The following MYO1G variants were observed in gnomAD, a reference collection of about 807,000 sequenced individuals.
MYO1G encodes the protein myosin IG, also known as unconventional myosin-Ig.
In MYO1G, 65 loss-of-function variants were observed where a neutral mutation model predicts 115.3. The ratio of observed to expected loss-of-function variants is 0.56; its 90% CI spans 0.46 to 0.69. The LOEUF (loss-of-function observed/expected upper bound fraction) is 0.69, where lower values mean the gene tolerates loss of function less well. Ranked by LOEUF, MYO1G falls within the 30% of genes least tolerant of loss-of-function variation. MYO1G has a pLI of 0.00. For missense variants in MYO1G, 1,204 were observed against 1,393.5 expected (o/e 0.86, Z 2.16); for synonymous variants, 510 against 552.6 (o/e 0.92, Z 1.08).
In MYO1G at chr7:44,963,259, G is replaced by GC. The variant is rs1285510901; in HGVS notation, c.2746-136dup. ...AGCGCCGCCCTCGCCAGGGCCACCA[G>GC]CCCCCCACCGCCCCCTCCTCCCTCT... On this transcript the variant is annotated intron_variant, in intron 20 of 21. Coordinates refer to ENST00000258787, the MANE Select transcript of MYO1G (RefSeq NM_033054.3). The surrounding 1 kb of genome is among the most constrained non-coding windows in gnomAD (Gnocchi z 4.1). 1.0e-5 allele frequency: 10 copies of GC among 976,510 alleles called. No individual in the cohort carries two copies. In the East Asian group the frequency reaches 1.6e-4, roughly 16 times the overall value. 60.5% of individuals were successfully genotyped at this position (976,510 alleles called of 1,614,324 possible).
At position 44,976,677 on chromosome 7, in the gene MYO1G, TGAGA is replaced by T; in HGVS notation, c.305-24_305-21del. ...TCTCCCCTGCCGGAAAGACCAGAGTTGAGAGAATCAGCCAGGTTCGCTCTCTTAG... is the reference window on the plus strand; with the variant it reads ...TCTCCCCTGCCGGAAAGACCAGAGTTGAATCAGCCAGGTTCGCTCTCTTAG... On this transcript the variant is annotated intron_variant, in intron 2 of 21. Transcript: ENST00000258787. The T allele has an allele frequency of 6.2e-7, 1 of 1,613,828 alleles. No individual in the cohort carries two copies. Among genetic ancestry groups the T allele is most frequent in the Non-Finnish European group, 8.5e-7 (1 of 1,179,900 alleles).
rs910211054 is a variant in MYO1G, at chr7:44,969,472, T to C, written c.1515A>G (p.Thr505=). ...CTCGGCCAAACTCCATGGTCTTGTC[T>C]GTGGGGCAGAGCTATGGGGACAGGC... The part of the protein sequence containing the change: ...LHYTSRQLCP[T]DKTMEFGRDF... Residue 505 remains threonine (T), a synonymous_variant, in exon 12 of 22, where the codon ACA becomes ACG. Transcript: ENST00000258787. This position sits in a 1 kb window ranked among gnomAD's most constrained non-coding sequence, Gnocchi z 5.0. 2 of 1,613,820 alleles carry C rather than the reference T, an allele frequency of 1.2e-6. No homozygotes were observed. Among genetic ancestry groups the C allele is most frequent in the Non-Finnish European group, 1.7e-6 (2 of 1,180,008 alleles).
At position 44,964,046 on chromosome 7, in the gene MYO1G, C is replaced by T. The variant is rs1320081960; in HGVS notation, c.2745+3G>A. ...CACCCTACTCCCCACCCACATTGCTCACCGCCTCAAGGGGCACGGCCCGCA... is the reference window on the plus strand; with the variant it reads ...CACCCTACTCCCCACCCACATTGCTTACCGCCTCAAGGGGCACGGCCCGCA... On this transcript the variant is annotated splice_donor_region_variant and intron_variant, in intron 20 of 21. Coordinates refer to ENST00000258787, the MANE Select transcript of MYO1G (RefSeq NM_033054.3). This position sits in a 1 kb window ranked among gnomAD's most constrained non-coding sequence, Gnocchi z 5.1. 3 of 1,577,500 alleles carry T rather than the reference C, an allele frequency of 1.9e-6. No homozygotes were observed. Among genetic ancestry groups the T allele is most frequent in the South Asian group, 1.2e-5 (1 of 86,234 alleles).
chr7:44,976,701 T>C (rs200084479), intron 2 of MYO1G, 44 bp from the exon 3 acceptor site: 1 of 1,611,312 alleles, frequency 6.2e-7, no homozygotes, highest in East Asian at 2.2e-5. Context: ...AGGTTCGCTC[T>C]CTTAGCCCAG....
chr7:44,964,429 T>G lies in MYO1G; in HGVS notation c.2617A>C (p.Ser873Arg). 2 of 1,613,346 alleles carry G rather than the reference T, an allele frequency of 1.2e-6. No individual in the cohort carries two copies. Among genetic ancestry groups the G allele is most frequent in the Non-Finnish European group, 1.7e-6 (2 of 1,179,460 alleles). The change falls in exon 19 of 22, where the codon AGC becomes CGC. Residue 873 changes from serine (S) to arginine (R), a missense_variant. Ser to Arg is a moderately radical substitution (Grantham distance 110, BLOSUM62 -1). Transcript: ENST00000258787. This position sits in a 1 kb window ranked among gnomAD's most constrained non-coding sequence, Gnocchi z 5.1. ...KDGFGAVLFS[S>R]HVRKVNRFHK... ...CCTTGTCTAACCTTGCGGACATGGC[T>G]TGAAAAGAGCACAGCCCCGAAGCCA...
rs769767103 is a variant in MYO1G at position 44,976,661 on chromosome 7, C to T, written c.305-4G>A. 1 of 1,614,046 alleles carries T rather than the reference C, an allele frequency of 6.2e-7. No individual in the cohort carries two copies. The highest frequency in any genetic ancestry group is 8.5e-7 in the Non-Finnish European group (1 of 1,180,014). On this transcript the variant is annotated splice_region_variant and splice_polypyrimidine_tract_variant and intron_variant, in intron 2 of 21. Transcript: ENST00000258787. ...GTCTTCCCTGCCCCACTCTCCCCTG[C>T]CGGAAAGACCAGAGTTGAGAGAATC...
At chr7:44,975,301 A>C in intron 4 of MYO1G, 74 bp from the exon 5 acceptor site, 1 of 1,571,078 alleles carries the variant, frequency 6.4e-7, no homozygotes, top group Non-Finnish European at 8.8e-7. Context: ...GAACATTCCC[A>C]GGTGCAAGGC....
intron 7 of MYO1G, 105 bp from the exon 8 acceptor site, chr7:44,971,164 G>T: frequency 1.0e-6 from 1 of 973,184 alleles, no homozygotes; most frequent in Non-Finnish European, 1.5e-6. Context: ...GGATGCGGTA[G>T]AGTACAGCTC....
At chr7:44,971,827 G>A (rs1248073083) in intron 6 of MYO1G, 38 bp from the exon 7 acceptor site, 1 of 1,455,368 alleles carries the variant, frequency 6.9e-7, no homozygotes, top group Non-Finnish European at 9.4e-7. Context: ...AAGCCACACT[G>A]GGCCCAGGAC....
intron 1 of MYO1G, 44 bp from the exon 2 acceptor site, chr7:44,977,115 GCAC>G: frequency 6.3e-7 from 1 of 1,581,970 alleles, no homozygotes; most frequent in Non-Finnish European, 8.6e-7. Context: ...AGGCTTACAG[GCAC>G]CCACAGGCCT....
Position 44,964,964 on chromosome 7 carries a change from G to T in MYO1G, c.2507C>A (p.Ala836Asp). 1 of 1,599,408 alleles carries T rather than the reference G, an allele frequency of 6.3e-7. No homozygotes were observed. The highest frequency in any genetic ancestry group is 1.3e-5 in the African/African-American group (1 of 74,696). ...RQDWGCRRAW[A>D]RDYLSSATDN... ...ACTTACAGAGGACAGGTAGTCTCGG[G>T]CCCAGGCCCGTCGGCAGCCCCAGTC... is the stretch of plus-strand genomic sequence containing the variant. The change falls in exon 18 of 22, where the codon GCC (alanine) becomes GAC (aspartate). Residue 836 changes from alanine to aspartate, a missense_variant. Transcript: ENST00000258787. This position sits in a 1 kb window ranked among gnomAD's most constrained non-coding sequence, Gnocchi z 5.1.
In MYO1G at chr7:44,978,951, T is replaced by G; in HGVS notation, c.11A>C (p.Glu4Ala). The change falls in exon 1 of 22, where the codon GAG becomes GCG. Residue 4 changes from glutamate to alanine, a missense_variant. Glu to Ala is a moderately radical substitution (Grantham distance 107, BLOSUM62 -1). Coordinates refer to ENST00000258787, the MANE Select transcript of MYO1G (RefSeq NM_033054.3). MED[E>A]EGPEYGKPDF... ...AGGTTTGCCATACTCAGGGCCTTCCTCGTCCTCCATCCTGCCGGCTGGAAA... is the reference window on the plus strand; with the variant it reads ...AGGTTTGCCATACTCAGGGCCTTCCGCGTCCTCCATCCTGCCGGCTGGAAA... The G allele has an allele frequency of 6.2e-7, 1 of 1,614,154 alleles. No individual in the cohort carries two copies.
In MYO1G at chr7:44,966,548, C is replaced by G. The variant is rs1044444643; in HGVS notation, c.1949+124G>C. 8.1e-7 allele frequency: 1 copy of G among 1,239,030 alleles called. No homozygotes were observed. 76.8% of individuals were successfully genotyped at this position (1,239,030 alleles called of 1,614,324 possible). A position where few individuals can be genotyped will look rare whatever the true frequency, so the allele number is the denominator to read the frequency against. On this transcript the variant is annotated intron_variant, in intron 15 of 21. Coordinates refer to ENST00000258787, the MANE Select transcript of MYO1G (RefSeq NM_033054.3). The surrounding 1 kb of genome is among the most constrained non-coding windows in gnomAD (Gnocchi z 5.0). ...AGATATTTTGGTGTCTTGAGGCCAG[C>G]AGCGTGCTGGTTCCTGCTTGTATCG...
chr7:44,976,839 G>A, intron 2 of MYO1G, 24 bp downstream of exon 2: 1 of 1,611,104 alleles, frequency 6.2e-7, no homozygotes, highest in Non-Finnish European at 8.5e-7. Context: ...CCGAGGGTGG[G>A]GGCCCGGCGG....
Position 44,963,008 on chromosome 7 carries a change from A to G in MYO1G, c.2862T>C (p.Val954=). 3 of 1,533,080 alleles carry G rather than the reference A, an allele frequency of 2.0e-6. No individual in the cohort carries two copies. Among genetic ancestry groups the G allele is most frequent in the East Asian group, 2.5e-5 (1 of 40,060 alleles). 95.0% of individuals were successfully genotyped at this position (1,533,080 alleles called of 1,614,324 possible). A position where few individuals can be genotyped will look rare whatever the true frequency, so the allele number is the denominator to read the frequency against. ...HRSRPPLDNR[V]GELVGVLAAH... is the part of the protein sequence containing the mutation. ...CGGCCAGCACGCCCACCAGCTCCCCAACGCGGTTGTCCAATGGCGGCCGGG... is the reference window on the plus strand; with the variant it reads ...CGGCCAGCACGCCCACCAGCTCCCCGACGCGGTTGTCCAATGGCGGCCGGG... Residue 954 remains valine (V), a synonymous_variant, in exon 21 of 22, where the codon GTT becomes GTC. Coordinates refer to ENST00000258787, the MANE Select transcript of MYO1G (RefSeq NM_033054.3). This position sits in a 1 kb window ranked among gnomAD's most constrained non-coding sequence, Gnocchi z 4.1.
Position 44,969,526 on chromosome 7 carries a change from G to C in MYO1G, c.1504-43C>G. The C allele has an allele frequency of 6.2e-7, 1 of 1,607,786 alleles. No individual in the cohort carries two copies. The highest frequency in any genetic ancestry group is 8.5e-7 in the Non-Finnish European group (1 of 1,174,760). On this transcript the variant is annotated intron_variant, in intron 11 of 21. Transcript: ENST00000258787. This position sits in a 1 kb window ranked among gnomAD's most constrained non-coding sequence, Gnocchi z 5.0. ...GGTCAAGGCACAAAAGGTATGTGGA[G>C]GGTCTGTATGAAGGGATAGCCCTGC...
intron 12 of MYO1G, among the ~76,000 whole-genome samples, chr7:44,968,348 C>T (rs1056932330): frequency 3.8e-4 from 58 of 152,108 alleles, no homozygotes; most frequent in African/African-American, 1.3e-3. Context: ...TAAACATCAG[C>T]GACTACAACT....
Position 44,967,970 on chromosome 7 carries a change from C to T in MYO1G, c.1575-12G>A, listed in dbSNP as rs1204130090. The T allele has an allele frequency of 6.2e-7, 1 of 1,613,276 alleles. No individual in the cohort carries two copies. The highest frequency in any genetic ancestry group is 1.3e-5 in the African/African-American group (1 of 75,048). On this transcript the variant is annotated splice_polypyrimidine_tract_variant and intron_variant, in intron 12 of 21. Transcript: ENST00000258787. ...CTTCCACGGAGTACCTACCAGAAGC[C>T]AGGGCTGGTGAGGGAGCAGGGGCGG...
chr7:44,976,118 T>C (rs557782112), intron 3 of MYO1G, among the ~76,000 whole-genome samples: 34 of 152,352 alleles, frequency 2.2e-4, no homozygotes, highest in Admixed American at 2.0e-3. Flanking sequence ...AGGAAGCTGC[T>C]TCCATAAGGG....
Sources: allele counts gnomAD v4.1 joint callset (sites outside exome capture counted in the v4.1 genomes callset), GRCh38; gene constraint gnomAD v4.1.1; non-coding constraint Gnocchi (gnomAD v3.1); transcripts MANE v1.5; gene names NCBI Gene and HGNC (gene_info 2026-07-23, HGNC 2026-07-21).